Variants in FANCC observed in about 807,000 individuals in gnomAD.
FANCC encodes the protein FA complementation group C.
In FANCC, 55 loss-of-function variants were observed where a neutral mutation model predicts 71.3. The observed-to-expected ratio is 0.77, with a 90% CI of 0.62 to 0.97. The LOEUF (loss-of-function observed/expected upper bound fraction) is 0.97. Ranked by LOEUF, FANCC falls within the 50% of genes least tolerant of loss-of-function variation. The probability of loss-of-function intolerance (pLI) is 0.00; values close to 1 mark genes in which losing one functional copy is unlikely to be tolerated. For missense variants in FANCC, 678 were observed against 670.9 expected, an observed-to-expected ratio of 1.01 and a Z score of -0.12; for synonymous variants, 275 against 244.9, an observed-to-expected ratio of 1.12 and a Z score of -1.15.
At position 95,100,817 on chromosome 9, in the gene FANCC, G is replaced by T; in HGVS notation, c.*890C>A. 2 of 227,218 alleles carry T rather than the reference G, an allele frequency of 8.8e-6. No individual in the cohort carries two copies. Among genetic ancestry groups the T allele is most frequent in the Non-Finnish European group, 1.8e-5 (2 of 114,226 alleles). 14.1% of individuals were successfully genotyped at this position (227,218 alleles called of 1,614,324 possible). ...CGATAATTTTTGTATTTTTAGTAGA[G>T]ATAGGGTATTGCCATGTTAGCCAGG... On this transcript the variant is annotated 3_prime_UTR_variant, in exon 15 of 15. Coordinates refer to ENST00000289081, the MANE Select transcript of FANCC (RefSeq NM_000136.3).
intron 1 of FANCC, among the ~76,000 whole-genome samples, chr9:95,302,724 C>G (rs1459977192): frequency 1.3e-5 from 2 of 152,184 alleles, no homozygotes; most frequent in African/African-American, 4.8e-5. Flanking sequence ...CAAACCAGAG[C>G]AGCACGGCTC....
At position 95,101,518 on chromosome 9, in the gene FANCC, G is replaced by T; in HGVS notation, c.*189C>A. On this transcript the variant is annotated 3_prime_UTR_variant, in exon 15 of 15. Transcript: ENST00000289081. ...TAGTGAACATGTCTGACTGAGTCTG[G>T]GCTGAGGGACCTGGCTCTGCATTTT... 1 of 703,540 alleles carries T rather than the reference G, an allele frequency of 1.4e-6. No individual in the cohort carries two copies. The highest frequency in any genetic ancestry group is 2.4e-6 in the Non-Finnish European group (1 of 415,288). The allele number at this position is 703,540 out of a possible 1,614,324, so 43.6% of individuals were successfully genotyped here.
At chr9:95,237,965 G>A (rs1366348270) in intron 4 of FANCC, among the ~76,000 whole-genome samples, 1 of 152,090 alleles carries the variant, frequency 6.6e-6, no homozygotes, top group African/African-American at 2.4e-5. Context: ...GTTTTTTAAA[G>A]CAGCACCTGG....
intron 1 of FANCC, among the ~76,000 whole-genome samples, chr9:95,311,752 C>T (rs56134407): frequency 0.25 from 34,161 of 134,316 alleles, 5,015 homozygotes; most frequent in Non-Finnish European, 0.35. Context: ...TGTGAAAAAC[C>T]GCAGCCTCAA....
At chr9:95,118,904 T>C (rs1015751595) in intron 10 of FANCC, among the ~76,000 whole-genome samples, 1 of 152,214 alleles carries the variant, frequency 6.6e-6, no homozygotes, top group South Asian at 2.1e-4. Context: ...TTCATGGACA[T>C]GTGTTTCTGT....
chr9:95,254,502 G>A (rs1312212316), intron 1 of FANCC, among the ~76,000 whole-genome samples: 1 of 152,188 alleles, frequency 6.6e-6, no homozygotes, highest in African/African-American at 2.4e-5. Context: ...CCCTAACCAA[G>A]GGAAGCCGTG....
At chr9:95,152,115 ATT>A (rs1167465911) in intron 6 of FANCC, among the ~76,000 whole-genome samples, 2 of 152,160 alleles carry the variant, frequency 1.3e-5, no homozygotes, top group Non-Finnish European at 2.9e-5. Context: ...TGAGACAGTA[ATT>A]GTTACCCACT....
intron 4 of FANCC, among the ~76,000 whole-genome samples, chr9:95,231,790 G>A (rs1161526225): frequency 6.6e-6 from 1 of 152,156 alleles, no homozygotes; most frequent in Non-Finnish European, 1.5e-5. Flanking sequence ...TATTTGGTAA[G>A]TTATAACATG....
At chr9:95,264,019 G>A (rs956274894) in intron 1 of FANCC, among the ~76,000 whole-genome samples, 18 of 152,144 alleles carry the variant, frequency 1.2e-4, no homozygotes, top group Non-Finnish European at 2.2e-4. Context: ...TTGAGACCCA[G>A]GGATAAGGAA....
rs117792975 is a variant in FANCC at position 95,126,860 on chromosome 9, C to T, written c.844-279G>A. The T allele has an allele frequency of 7.6e-4, 322 of 426,224 alleles. 5 individuals are homozygous for T. The East Asian group carries it at 0.011, about 14-fold the overall frequency. 26.4% of individuals were successfully genotyped at this position (426,224 alleles called of 1,614,324 possible). Reference sequence around the variant, plus strand: ...GCTCAGGCGATCCATAATACAGAATCAGTAAGTATTAGAGAAACTTTAAAC... The same window carrying T: ...GCTCAGGCGATCCATAATACAGAATTAGTAAGTATTAGAGAAACTTTAAAC... On this transcript the variant is annotated intron_variant, in intron 8 of 14. Coordinates refer to ENST00000289081, the MANE Select transcript of FANCC (RefSeq NM_000136.3).
chr9:95,217,386 G>A (rs1317807118), intron 4 of FANCC, among the ~76,000 whole-genome samples: 7 of 151,972 alleles, frequency 4.6e-5, no homozygotes, highest in African/African-American at 1.4e-4. Context: ...TCGGGAGGCT[G>A]AGGCAGGAGA....
intron 3 of FANCC, among the ~76,000 whole-genome samples, chr9:95,241,753 G>A (rs896326445): frequency 6.6e-5 from 10 of 152,006 alleles, no homozygotes; most frequent in Non-Finnish European, 1.5e-4. Context: ...TCCACCTCTC[G>A]GGCTCCAGCG....
At chr9:95,170,637 C>CGTGTGTATGTGT (rs1554842446) in intron 6 of FANCC, among the ~76,000 whole-genome samples, 1 of 124,290 alleles carries the variant, frequency 8.0e-6, no homozygotes, top group Non-Finnish European at 1.7e-5. Flanking sequence ...TTGTAAATAT[C>CGTGTGTATGTGT]GTGTGTGTGT....
At chr9:95,115,063 C>T (rs1210605672) in intron 11 of FANCC, among the ~76,000 whole-genome samples, 1 of 152,218 alleles carries the variant, frequency 6.6e-6, no homozygotes, top group Non-Finnish European at 1.5e-5. Context: ...ACCTCAGCCT[C>T]CCCAGTAGCT....
intron 1 of FANCC, among the ~76,000 whole-genome samples, chr9:95,299,773 A>C (rs568717523): frequency 5.3e-5 from 8 of 152,218 alleles, no homozygotes; most frequent in Non-Finnish European, 1.5e-5. Flanking sequence ...AGGTGGGAGA[A>C]TTGTTTAAGC....
At chr9:95,105,276 A>C (rs979094235) in intron 14 of FANCC, among the ~76,000 whole-genome samples, 1 of 152,182 alleles carries the variant, frequency 6.6e-6, no homozygotes, top group Admixed American at 6.5e-5. Flanking sequence ...CTTTCTGTAC[A>C]TGGACATTCA....
intron 14 of FANCC, among the ~76,000 whole-genome samples, chr9:95,103,496 G>A (rs2071212571): frequency 6.6e-6 from 1 of 152,234 alleles, no homozygotes; most frequent in Admixed American, 6.5e-5. Flanking sequence ...TCCAGGACAG[G>A]ACAGGAGGTG....
At chr9:95,234,329 C>T (rs973312247) in intron 4 of FANCC, among the ~76,000 whole-genome samples, 3 of 152,196 alleles carry the variant, frequency 2.0e-5, no homozygotes, top group Admixed American at 1.3e-4. Context: ...GTGCCAGGTA[C>T]TGTTCAATTT....
intron 6 of FANCC, among the ~76,000 whole-genome samples, chr9:95,162,260 A>G (rs1371283211): frequency 6.6e-6 from 1 of 152,186 alleles, no homozygotes; most frequent in Non-Finnish European, 1.5e-5. Flanking sequence ...CTTAAGTTTC[A>G]TCCACACTGT....
Sources: gnomAD v4.1 joint callset for allele counts (sites outside exome capture counted in the v4.1 genomes callset) on GRCh38, gnomAD v4.1.1 for gene constraint, MANE v1.5 for transcripts, NCBI Gene and HGNC (gene_info 2026-07-23, HGNC 2026-07-21) for gene names.